Variants in NBL1 observed in about 807,000 individuals in gnomAD.
NBL1 encodes NBL1, DAN family BMP antagonist.
NBL1 carries 9 observed loss-of-function variants against 16.0 expected under a neutral mutation model. That is an observed-to-expected ratio of 0.56 (90% CI 0.34 to 0.98). The LOEUF is 0.98. Ranked by LOEUF, NBL1 falls within the 50% of genes least tolerant of loss-of-function variation. The probability of loss-of-function intolerance (pLI) is 0.02; values close to 1 mark genes in which losing one functional copy is unlikely to be tolerated. For synonymous variants in NBL1, 86 were observed against 100.7 expected (o/e 0.85, Z 0.87); for missense variants, 196 against 243.1 (o/e 0.81, Z 1.29).
In NBL1 at chr1:19,657,206, A is replaced by G; in HGVS notation, c.*77A>G. Reference sequence around the variant, plus strand: ...CACTCTCTGGGGAAGTCAGGGGAGAAGCTGAAGCCCCCCTTTGGCACTGGA... The same window carrying G: ...CACTCTCTGGGGAAGTCAGGGGAGAGGCTGAAGCCCCCCTTTGGCACTGGA... On this transcript the variant is annotated 3_prime_UTR_variant, in exon 4 of 4. Transcript: ENST00000375136. The G allele has an allele frequency of 1.5e-6, 1 of 662,582 alleles. No individual in the cohort carries two copies. 41.0% of individuals were successfully genotyped at this position (662,582 alleles called of 1,614,324 possible).
At chr1:19,646,505 G>T (rs946114671) in intron 1 of NBL1, among the ~76,000 whole-genome samples, 1 of 152,226 alleles carries the variant, frequency 6.6e-6, no homozygotes, top group Non-Finnish European at 1.5e-5. Flanking sequence ...TGAGCAGGGA[G>T]CCCCAAGCCT....
chr1:19,645,485 C>A lies in NBL1; in HGVS notation c.-20+1039C>A, dbSNP rs913073594. 26 of 994,736 alleles carry A rather than the reference C, an allele frequency of 2.6e-5. No individual in the cohort carries two copies. In the Admixed American group the frequency reaches 3.3e-4, roughly 13 times the overall value. The allele number at this position is 994,736 out of a possible 1,614,324, so 61.6% of individuals were successfully genotyped here. ...CTTTCGGAGGCCCTCGCTCCCCAAG[C>A]TGGACGCCACCAGCCTGTAACTAGG... is the stretch of plus-strand genomic sequence containing the variant. On this transcript the variant is annotated intron_variant, in intron 1 of 3. Transcript: ENST00000375136.
Position 19,657,115 on chromosome 1 carries a change from G to C in NBL1, c.532G>C (p.Gly178Arg). The C allele has an allele frequency of 6.9e-7, 1 of 1,455,206 alleles. No homozygotes were observed. Among genetic ancestry groups the C allele is most frequent in the East Asian group, 2.5e-5 (1 of 40,466 alleles). The allele number at this position is 1,455,206 out of a possible 1,614,324, so 90.1% of individuals were successfully genotyped here. ...TGGGGCCCCCCACACAGAGGAAGAG[G>C]GGGCTGAGGACTGAGGCCCCCCCAA... ...PPGAPHTEEE[G>R]AED Residue 178 changes from glycine (G) to arginine (R), a missense_variant, in exon 4 of 4, where the codon GGG becomes CGG. Coordinates refer to ENST00000375136, the MANE Select transcript of NBL1 (RefSeq NM_005380.8).
rs1479281474 is a variant in NBL1, at chr1:19,644,654, C to T, written c.-20+208C>T. 2.0e-5 allele frequency among the ~76,000 whole-genome samples: 3 copies of T among 151,488 alleles called. No homozygotes were observed. The highest frequency in any genetic ancestry group is 2.1e-4 in the South Asian group (1 of 4,800). Reference sequence around the variant, plus strand: ...CGGCGCTGGGGACGTGGGCGCGGCACGGGGTGGCCGGGGGGCACCGCCGCG... The same window carrying T: ...CGGCGCTGGGGACGTGGGCGCGGCATGGGGTGGCCGGGGGGCACCGCCGCG... On this transcript the variant is annotated intron_variant, in intron 1 of 3. Coordinates refer to ENST00000375136, the MANE Select transcript of NBL1 (RefSeq NM_005380.8). This position sits in a 1 kb window ranked among gnomAD's most constrained non-coding sequence, Gnocchi z 4.6.
chr1:19,652,669 C>T (rs569150775), intron 1 of NBL1, among the ~76,000 whole-genome samples: 1 of 152,138 alleles, frequency 6.6e-6, no homozygotes, highest in Non-Finnish European at 1.5e-5. Context: ...CCTCTAGACC[C>T]GTGCTCCCCA....
chr1:19,648,031 G>C (rs2094994964), intron 1 of NBL1, among the ~76,000 whole-genome samples: 1 of 152,146 alleles, frequency 6.6e-6, no homozygotes, highest in Non-Finnish European at 1.5e-5. Flanking sequence ...GTGTGGGTCT[G>C]GGGTGAGTGG....
intron 1 of NBL1, among the ~76,000 whole-genome samples, chr1:19,652,461 C>CG (rs3838430): frequency 0.39 from 58,560 of 151,860 alleles, 11,586 homozygotes; most frequent in Middle Eastern, 0.42. Context: ...TGGGAGGCGG[C>CG]GGGGGGGCAG....
At chr1:19,643,862 C>T, upstream of NBL1, 1 of 991,428 alleles carries the variant, frequency 1.0e-6, no homozygotes, top group Non-Finnish European at 1.2e-6. This position sits in a 1 kb window ranked among gnomAD's most constrained non-coding sequence, Gnocchi z 4.7. Flanking sequence ...GCGCCCCACT[C>T]TCGGGGCAAG....
At chr1:19,644,244 G>T (rs1384459638), upstream of NBL1, 3 of 978,146 alleles carry the variant, frequency 3.1e-6, no homozygotes, top group Middle Eastern at 5.2e-4. The surrounding 1 kb of genome is among the most constrained non-coding windows in gnomAD (Gnocchi z 4.6). Context: ...CCGCCCTCGC[G>T]CCCTGTTTGG....
At chr1:19,656,671 C>G (rs994945482) in intron 3 of NBL1, among the ~76,000 whole-genome samples, 195 bp from the exon 4 acceptor site, 1 of 152,020 alleles carries the variant, frequency 6.6e-6, no homozygotes, top group African/African-American at 2.4e-5. Flanking sequence ...GGTGGCAGGA[C>G]TGGATGTGAG....
chr1:19,655,468 G>T (rs371901214), intron 3 of NBL1, 33 bp downstream of exon 3: 23 of 1,608,824 alleles, frequency 1.4e-5, no homozygotes, highest in Non-Finnish European at 1.8e-5. Context: ...ACCCAGTCTC[G>T]GCCCGGAGCC....
intron 1 of NBL1, chr1:19,645,249 G>A (rs1230107613): frequency 4.1e-5 from 23 of 554,450 alleles, no homozygotes; most frequent in Non-Finnish European, 5.3e-5. Flanking sequence ...CTGGGGCAGG[G>A]AGAGCCAGCC....
chr1:19,644,462 G>A lies in NBL1; in HGVS notation c.-20+16G>A, dbSNP rs1467901250. Reference sequence around the variant, plus strand: ...GGCGCGCGCGGTAAGTCCCGCCCGGGTCGGCACGCGGGCGCCCGGCTTCCA... The same window carrying A: ...GGCGCGCGCGGTAAGTCCCGCCCGGATCGGCACGCGGGCGCCCGGCTTCCA... On this transcript the variant is annotated intron_variant, in intron 1 of 3. Coordinates refer to ENST00000375136, the MANE Select transcript of NBL1 (RefSeq NM_005380.8). This position sits in a 1 kb window ranked among gnomAD's most constrained non-coding sequence, Gnocchi z 4.6. 1 of 979,190 alleles carries A rather than the reference G, an allele frequency of 1.0e-6. No individual in the cohort carries two copies. The highest frequency in any genetic ancestry group is 4.7e-5 in the South Asian group (1 of 21,260). 60.7% of individuals were successfully genotyped at this position (979,190 alleles called of 1,614,324 possible). A position where few individuals can be genotyped will look rare whatever the true frequency, so the allele number is the denominator to read the frequency against.
chr1:19,646,057 T>C, intron 1 of NBL1: 1 of 1,550,158 alleles, frequency 6.5e-7, no homozygotes, highest in African/African-American at 1.4e-5. Flanking sequence ...TGGCCTGGGT[T>C]TGGGGGCTGG....
At chr1:19,652,667 C>A (rs181823870) in intron 1 of NBL1, among the ~76,000 whole-genome samples, 4 of 152,144 alleles carry the variant, frequency 2.6e-5, no homozygotes, top group Non-Finnish European at 5.9e-5. Context: ...CACCTCTAGA[C>A]CCGTGCTCCC....
At position 19,644,489 on chromosome 1, in the gene NBL1, A is replaced by AGG; in HGVS notation, c.-20+44_-20+45dup. The AGG allele has an allele frequency of 2.1e-6, 2 of 969,806 alleles. No individual in the cohort carries two copies. The highest frequency in any genetic ancestry group is 2.4e-6 in the Non-Finnish European group (2 of 818,852). The allele number at this position is 969,806 out of a possible 1,614,324, so 60.1% of individuals were successfully genotyped here. ...CGGCACGCGGGCGCCCGGCTTCCAG[A>AGG]GGCTTCGGCCGCGGGGGCAGTGCCG... On this transcript the variant is annotated intron_variant, in intron 1 of 3. Coordinates refer to ENST00000375136, the MANE Select transcript of NBL1 (RefSeq NM_005380.8). This position sits in a 1 kb window ranked among gnomAD's most constrained non-coding sequence, Gnocchi z 4.6.
At chr1:19,645,785 A>C in intron 1 of NBL1, 2 of 1,402,470 alleles carry the variant, frequency 1.4e-6, no homozygotes, top group East Asian at 2.8e-5. Flanking sequence ...AGGGGTGGAC[A>C]GGGGAGTAGG....
chr1:19,645,687 A>G (rs886623866), intron 1 of NBL1: 4 of 1,227,108 alleles, frequency 3.3e-6, no homozygotes, highest in Admixed American at 3.8e-5. Context: ...GCCAAAGAAA[A>G]GGCGAGGCTG....
upstream of NBL1, chr1:19,643,292 G>A: frequency 6.2e-7 from 1 of 1,612,566 alleles, no homozygotes; most frequent in Non-Finnish European, 8.5e-7. The surrounding 1 kb of genome is among the most constrained non-coding windows in gnomAD (Gnocchi z 4.7). Context: ...TTCCCAGCAG[G>A]CCACTAGGAG....
Sources: allele counts gnomAD v4.1 joint callset (sites outside exome capture counted in the v4.1 genomes callset), GRCh38; gene constraint gnomAD v4.1.1; non-coding constraint Gnocchi (gnomAD v3.1); transcripts MANE v1.5; gene names NCBI Gene and HGNC (gene_info 2026-07-23, HGNC 2026-07-21).